The following ESS2 variants were observed in gnomAD, a reference collection of about 807,000 sequenced individuals.
The protein encoded by ESS2 is ess-2 spliceosome associated protein.
In ESS2, 31 loss-of-function variants were observed where a neutral mutation model predicts 52.0. That is an observed-to-expected ratio of 0.60 (90% CI 0.45 to 0.81). ESS2 has a LOEUF of 0.81. ESS2 is among the 30% of genes least tolerant of loss of function. The probability of loss-of-function intolerance (pLI) is 0.00; values close to 1 mark genes in which losing one functional copy is unlikely to be tolerated. For synonymous variants in ESS2, 285 were observed against 259.2 expected (o/e 1.10, Z -0.95); for missense variants, 602 against 637.2 (o/e 0.94, Z 0.59).
chr22:19,132,411 G>C lies in ESS2; in HGVS notation c.*1785C>G. ...CGAGAACAGGATGGAGGACAGGCTG[G>C]CCGAGACCTCCAGGGCCAAAGACCA... On this transcript the variant is annotated 3_prime_UTR_variant, in exon 10 of 10. Coordinates refer to ENST00000252137, the MANE Select transcript of ESS2 (RefSeq NM_022719.3). This position sits in a 1 kb window ranked among gnomAD's most constrained non-coding sequence, Gnocchi z 4.2. The C allele has an allele frequency of 6.2e-7, 1 of 1,612,996 alleles. No homozygotes were observed. Among genetic ancestry groups the C allele is most frequent in the Non-Finnish European group, 8.5e-7 (1 of 1,180,016 alleles).
rs774819397 is a variant in ESS2 at position 19,131,493 on chromosome 22, G to A, written c.*2703C>T. On this transcript the variant is annotated 3_prime_UTR_variant, in exon 10 of 10. Transcript: ENST00000252137. This position sits in a 1 kb window ranked among gnomAD's most constrained non-coding sequence, Gnocchi z 5.7. ...CGCAAAAGTCAAATCTGCCTACTCT[G>A]AGCGCCTCAAGTTCAATGTGGCTGT... 2.5e-6 allele frequency: 4 copies of A among 1,614,170 alleles called. No individual in the cohort carries two copies. Among genetic ancestry groups the A allele is most frequent in the South Asian group, 1.1e-5 (1 of 91,072 alleles).
Position 19,131,067 on chromosome 22 carries a change from C to T in ESS2, c.*3129G>A. 2 of 276,682 alleles carry T rather than the reference C, an allele frequency of 7.2e-6. No homozygotes were observed. Among genetic ancestry groups the T allele is most frequent in the Non-Finnish European group, 1.4e-5 (2 of 145,326 alleles). 17.1% of individuals were successfully genotyped at this position (276,682 alleles called of 1,614,324 possible). ...TCCAGCTTGACTTGTGACAGGGAAA[C>T]CAATGCAGCAGCAGCAGGGCCACCA... On this transcript the variant is annotated 3_prime_UTR_variant, in exon 10 of 10. Transcript: ENST00000252137. The surrounding 1 kb of genome is among the most constrained non-coding windows in gnomAD (Gnocchi z 5.7).
Position 19,137,323 on chromosome 22 carries a change from C to T in ESS2, c.1035G>A (p.Lys345=), listed in dbSNP as rs1481971663. The T allele has an allele frequency of 1.2e-6, 2 of 1,611,204 alleles. No homozygotes were observed. Among genetic ancestry groups the T allele is most frequent in the Admixed American group, 3.4e-5 (2 of 59,696 alleles). Residue 345 remains lysine, a splice_region_variant and synonymous_variant, in exon 8 of 10, where the codon AAG becomes AAA. Transcript: ENST00000252137. ...YVDRTPGPAF[K]ILEPGRRERL... ...CAGTTCCCCCATCACCACAACCCAC[C>T]TTAAAAGCTGGGCCGGGTGTCCTGT... is the stretch of plus-strand genomic sequence containing the variant.
At position 19,131,071 on chromosome 22, in the gene ESS2, T is replaced by TGCA. The variant is rs1184531659; in HGVS notation, c.*3122_*3124dup. 1.4e-5 allele frequency: 4 copies of TGCA among 283,162 alleles called. No individual in the cohort carries two copies. The highest frequency in any genetic ancestry group is 8.8e-5 in the African/African-American group (4 of 45,604). The allele number at this position is 283,162 out of a possible 1,614,324, so 17.5% of individuals were successfully genotyped here. ...GCTTGACTTGTGACAGGGAAACCAATGCAGCAGCAGCAGGGCCACCAGAGT... is the reference window on the plus strand; with the variant it reads ...GCTTGACTTGTGACAGGGAAACCAATGCAGCAGCAGCAGCAGGGCCACCAGAGT... On this transcript the variant is annotated 3_prime_UTR_variant, in exon 10 of 10. Transcript: ENST00000252137. The surrounding 1 kb of genome is among the most constrained non-coding windows in gnomAD (Gnocchi z 5.7).
Position 19,139,939 on chromosome 22 carries a change from G to A in ESS2, c.486C>T (p.Ser162=). 8 of 1,614,196 alleles carry A rather than the reference G, an allele frequency of 5.0e-6. No individual in the cohort carries two copies. Among genetic ancestry groups the A allele is most frequent in the Non-Finnish European group, 6.8e-6 (8 of 1,180,040 alleles). The change falls in exon 4 of 10, where the codon TCC becomes TCT. Residue 162 remains serine, a synonymous_variant. Transcript: ENST00000252137. ...LSRYTSEDNA[S]FQEIMEVAKE... ...TGGCCACCTCCATGATCTCCTGGAA[G>A]GAGGCATTGTCCTCACTCGTGTAGC...
At chr22:19,140,147 C>T in intron 3 of ESS2, 123 bp from the exon 4 acceptor site, 1 of 1,260,566 alleles carries the variant, frequency 7.9e-7, no homozygotes. Context: ...CTGGTCCTGG[C>T]TTCTGCCCAT....
Position 19,140,018 on chromosome 22 carries a change from G to A in ESS2, c.407C>T (p.Ala136Val). 1 of 1,613,608 alleles carries A rather than the reference G, an allele frequency of 6.2e-7. No homozygotes were observed. The highest frequency in any genetic ancestry group is 8.5e-7 in the Non-Finnish European group (1 of 1,179,972). ...CGGCTCCTTCTCCTCCTCCTCTCCA[G>A]CCTCTCCTGCTTAGGGGTTGCGGGA... Reference protein sequence around the residue: ...PRGRGLEDGEAGEEEEKEPLP... With the variant: ...PRGRGLEDGEVGEEEEKEPLP... The change falls in exon 4 of 10, where the codon GCT becomes GTT. Residue 136 changes from alanine to valine, a missense_variant. Coordinates refer to ENST00000252137, the MANE Select transcript of ESS2 (RefSeq NM_022719.3).
At position 19,144,356 on chromosome 22, in the gene ESS2, C is replaced by A. The variant is rs2083747647; in HGVS notation, c.135+150G>T. The A allele has an allele frequency of 1.3e-6, 2 of 1,486,412 alleles. 1 individual carries two copies. The highest frequency in any genetic ancestry group is 2.7e-5 in the South Asian group (2 of 74,470). 92.1% of individuals were successfully genotyped at this position (1,486,412 alleles called of 1,614,324 possible). A position where few individuals can be genotyped will look rare whatever the true frequency, so the allele number is the denominator to read the frequency against. ...CTTCCACCACAGACGTCTTCCTCTG[C>A]CCTGTTTACTTGACTCGTGGGACCG... is the stretch of plus-strand genomic sequence containing the variant. On this transcript the variant is annotated intron_variant, in intron 1 of 9. Transcript: ENST00000252137.
intron 1 of ESS2, among the ~76,000 whole-genome samples, chr22:19,143,210 A>AG (rs1410545597): frequency 1.3e-5 from 2 of 151,174 alleles, no homozygotes; most frequent in African/African-American, 2.4e-5. Flanking sequence ...CTCAAAAAAA[A>AG]AAAAAAAAAA....
chr22:19,136,532 T>A (rs1436733741), intron 8 of ESS2, among the ~76,000 whole-genome samples: 1 of 152,172 alleles, frequency 6.6e-6, no homozygotes, highest in African/African-American at 2.4e-5. Flanking sequence ...TGAGTTGCCA[T>A]CTTTATCGGG....
intron 7 of ESS2, 68 bp from the exon 8 acceptor site, chr22:19,137,500 G>C (rs1377685435): frequency 4.0e-6 from 5 of 1,239,158 alleles, no homozygotes. Context: ...TCCAGTCACA[G>C]CTTGTTCACC....
chr22:19,144,201 C>G, intron 1 of ESS2: 1 of 1,148,540 alleles, frequency 8.7e-7, no homozygotes, highest in Non-Finnish European at 1.1e-6. Context: ...TTTAGAAAGC[C>G]CTCTTTGCCA....
At position 19,132,290 on chromosome 22, in the gene ESS2, C is replaced by A. The variant is rs751941684; in HGVS notation, c.*1906G>T. Reference sequence around the variant, plus strand: ...GGGAGGGCAAGTACCGCGCTGAGTGCAAACTGGACACCAAGACAGGCTTGA... The same window carrying A: ...GGGAGGGCAAGTACCGCGCTGAGTGAAAACTGGACACCAAGACAGGCTTGA... On this transcript the variant is annotated 3_prime_UTR_variant, in exon 10 of 10. Transcript: ENST00000252137. This position sits in a 1 kb window ranked among gnomAD's most constrained non-coding sequence, Gnocchi z 4.2. 29 of 1,613,406 alleles carry A rather than the reference C, an allele frequency of 1.8e-5. No individual in the cohort carries two copies. Among genetic ancestry groups the A allele is most frequent in the Non-Finnish European group, 2.5e-6 (3 of 1,180,008 alleles).
intron 7 of ESS2, chr22:19,137,670 G>A: frequency 3.3e-6 from 3 of 919,724 alleles, no homozygotes; most frequent in Non-Finnish European, 2.6e-6. Flanking sequence ...TAGCCTACAA[G>A]CCTCTGGGAG....
Position 19,142,672 on chromosome 22 carries a change from G to C in ESS2, c.305-39C>G. 1.9e-6 allele frequency: 3 copies of C among 1,610,058 alleles called. No individual in the cohort carries two copies. The South Asian group carries it at 3.3e-5, about 18-fold the overall frequency. ...GGGGGATAAGAATTAGAGTGAGCCTGAAGCGACAGTTCAGCAGGCTTTCCC... is the reference window on the plus strand; with the variant it reads ...GGGGGATAAGAATTAGAGTGAGCCTCAAGCGACAGTTCAGCAGGCTTTCCC... On this transcript the variant is annotated intron_variant, in intron 2 of 9. Transcript: ENST00000252137.
intron 3 of ESS2, among the ~76,000 whole-genome samples, chr22:19,140,326 T>TAA (rs1465974744): frequency 2.0e-5 from 3 of 152,128 alleles, no homozygotes; most frequent in Non-Finnish European, 4.4e-5. Context: ...ATACAGGTGT[T>TAA]AGAGCAAGAG....
chr22:19,135,015 C>G, intron 9 of ESS2, 45 bp downstream of exon 9: 1 of 1,577,142 alleles, frequency 6.3e-7, no homozygotes, highest in Non-Finnish European at 8.7e-7. Flanking sequence ...CAGGAGCAGG[C>G]CAGAGCCACC....
At chr22:19,140,954 A>C (rs756784926) in intron 3 of ESS2, among the ~76,000 whole-genome samples, 1 of 152,186 alleles carries the variant, frequency 6.6e-6, no homozygotes. Context: ...AAGGATTCCT[A>C]TATTTACTGG....
At chr22:19,143,975 G>C (rs968237952) in intron 1 of ESS2, 4 of 947,590 alleles carry the variant, frequency 4.2e-6, no homozygotes, top group Admixed American at 6.2e-5. Flanking sequence ...TGCATATCTG[G>C]GCACCCAACC....
Sources: allele counts gnomAD v4.1 joint callset (sites outside exome capture counted in the v4.1 genomes callset), GRCh38; gene constraint gnomAD v4.1.1; non-coding constraint Gnocchi (gnomAD v3.1); transcripts MANE v1.5; gene names NCBI Gene and HGNC (gene_info 2026-07-23, HGNC 2026-07-21).